The following SH3RF3 variants were observed in gnomAD, a reference collection of about 807,000 sequenced individuals.
SH3RF3 encodes E3 ubiquitin-protein ligase SH3RF3.
SH3RF3 carries 29 observed loss-of-function variants against 66.3 expected under a neutral mutation model. The ratio of observed to expected loss-of-function variants is 0.44; its 90% CI spans 0.33 to 0.60. SH3RF3 has a LOEUF of 0.60. Ranked by LOEUF, SH3RF3 falls within the 20% of genes least tolerant of loss-of-function variation. The pLI is 0.04. For missense variants in SH3RF3, 1,194 were observed against 1,190.9 expected, an observed-to-expected ratio of 1.00 and a Z score of -0.04; for synonymous variants, 583 against 532.0, an observed-to-expected ratio of 1.10 and a Z score of -1.32.
At chr2:109,223,362 C>T (rs1027986128) in intron 1 of SH3RF3, among the ~76,000 whole-genome samples, 20 of 152,146 alleles carry the variant, frequency 1.3e-4, no homozygotes, top group African/African-American at 4.1e-4. Context: ...TTCTGAAGCC[C>T]GAAGAAGCAG....
At chr2:109,210,248 T>A (rs1678941843) in intron 1 of SH3RF3, among the ~76,000 whole-genome samples, 1 of 152,268 alleles carries the variant, frequency 6.6e-6, no homozygotes. Flanking sequence ...CTGTTGGGAA[T>A]AATGTCACTA....
chr2:109,187,691 CA>C (rs1342983940), intron 1 of SH3RF3, among the ~76,000 whole-genome samples: 2 of 152,324 alleles, frequency 1.3e-5, no homozygotes, highest in Non-Finnish European at 2.9e-5. Flanking sequence ...TGATGTCACC[CA>C]AGGACTCATT....
chr2:109,151,093 G>A (rs1186225029), intron 1 of SH3RF3, among the ~76,000 whole-genome samples: 1 of 152,204 alleles, frequency 6.6e-6, no homozygotes. Context: ...CCACACCAAT[G>A]TATTTGCCCT....
intron 1 of SH3RF3, among the ~76,000 whole-genome samples, chr2:109,153,448 T>C (rs1310619830): frequency 6.6e-6 from 1 of 152,162 alleles, no homozygotes; most frequent in African/African-American, 2.4e-5. Context: ...GAGAAAGAAG[T>C]AACGAAGGTA....
At chr2:109,338,549 G>A (rs1574582246) in intron 1 of SH3RF3, among the ~76,000 whole-genome samples, 1 of 152,132 alleles carries the variant, frequency 6.6e-6, no homozygotes, top group South Asian at 2.1e-4. Flanking sequence ...TCAAAAACCT[G>A]TGTGTAACTT....
intron 1 of SH3RF3, chr2:109,313,611 C>A: frequency 6.4e-6 from 1 of 155,082 alleles, no homozygotes; most frequent in Middle Eastern, 5.2e-4. Flanking sequence ...GAGTAGGGGC[C>A]CCGGCCAGCA....
Position 109,347,661 on chromosome 2 carries a change from C to T in SH3RF3, c.574-13C>T. On this transcript the variant is annotated splice_polypyrimidine_tract_variant and intron_variant, in intron 1 of 9. Transcript: ENST00000309415. ...GGCATGCCCGGTGACCACATGCTGT[C>T]TGTTGCTTGCAGAATCCCTGCCTGC... 2.5e-6 allele frequency: 4 copies of T among 1,612,192 alleles called. No individual in the cohort carries two copies. The highest frequency in any genetic ancestry group is 3.4e-6 in the Non-Finnish European group (4 of 1,178,704).
intron 8 of SH3RF3, among the ~76,000 whole-genome samples, chr2:109,489,463 C>T (rs938058474): frequency 1.3e-5 from 2 of 152,324 alleles, no homozygotes; most frequent in South Asian, 2.1e-4. Context: ...CATCAGGAAC[C>T]GTGTCACCTG....
chr2:109,386,815 T>A (rs1675835756), intron 3 of SH3RF3, among the ~76,000 whole-genome samples: 1 of 152,176 alleles, frequency 6.6e-6, no homozygotes, highest in Non-Finnish European at 1.5e-5. Context: ...AAAAAATGAC[T>A]GCATTCTCAC....
chr2:109,365,805 G>A (rs1683142431), intron 2 of SH3RF3, among the ~76,000 whole-genome samples: 1 of 152,110 alleles, frequency 6.6e-6, no homozygotes, highest in Non-Finnish European at 1.5e-5. Context: ...CTGTACTTGT[G>A]AACTATGATC....
chr2:109,408,700 A>G (rs553704504), intron 4 of SH3RF3, among the ~76,000 whole-genome samples: 4 of 152,226 alleles, frequency 2.6e-5, no homozygotes, highest in Non-Finnish European at 4.4e-5. Context: ...GAGCTGAACA[A>G]AAGGATTTTT....
chr2:109,265,830 T>A (rs1680477455), intron 1 of SH3RF3, among the ~76,000 whole-genome samples: 1 of 152,042 alleles, frequency 6.6e-6, no homozygotes, highest in African/African-American at 2.4e-5. Context: ...TAATGAGAGG[T>A]CCTGGGTGGG....
intron 6 of SH3RF3, among the ~76,000 whole-genome samples, chr2:109,436,557 G>A (rs925645974): frequency 2.6e-5 from 4 of 152,258 alleles, no homozygotes; most frequent in Non-Finnish European, 4.4e-5. Context: ...TGAGTCATCT[G>A]TTCTTTCTGG....
chr2:109,135,582 G>A (rs1265383795), intron 1 of SH3RF3, among the ~76,000 whole-genome samples: 1 of 152,198 alleles, frequency 6.6e-6, no homozygotes, highest in African/African-American at 2.4e-5. Context: ...ACCTCAGAGT[G>A]CCTGCTTTGC....
At chr2:109,176,153 G>A (rs1255031731) in intron 1 of SH3RF3, among the ~76,000 whole-genome samples, 2 of 152,106 alleles carry the variant, frequency 1.3e-5, no homozygotes, top group East Asian at 3.9e-4. Context: ...GCTAAATCTT[G>A]AAAATTCAAA....
At chr2:109,275,018 C>T (rs1440367119) in intron 1 of SH3RF3, among the ~76,000 whole-genome samples, 9 of 152,184 alleles carry the variant, frequency 5.9e-5, no homozygotes, top group South Asian at 4.1e-4. Flanking sequence ...ACCATTTATA[C>T]TGTAATATTT....
chr2:109,237,350 A>G (rs1679673174), intron 1 of SH3RF3, among the ~76,000 whole-genome samples: 1 of 152,232 alleles, frequency 6.6e-6, no homozygotes, highest in South Asian at 2.1e-4. Context: ...CACATTGAAA[A>G]AAAATGTTGT....
intron 8 of SH3RF3, among the ~76,000 whole-genome samples, chr2:109,466,154 A>G (rs976855721): frequency 4.6e-5 from 6 of 130,276 alleles, no homozygotes; most frequent in Non-Finnish European, 7.6e-5. Flanking sequence ...ATCTCGGCTC[A>G]CTGCTGCAAC....
At chr2:109,150,604 T>A (rs1303069768) in intron 1 of SH3RF3, among the ~76,000 whole-genome samples, 2 of 152,114 alleles carry the variant, frequency 1.3e-5, no homozygotes, top group African/African-American at 4.8e-5. Flanking sequence ...CCAGAGAAGT[T>A]GAGTAGCTTG....
Sources: gnomAD v4.1 joint callset for allele counts (sites outside exome capture counted in the v4.1 genomes callset) on GRCh38, gnomAD v4.1.1 for gene constraint, MANE v1.5 for transcripts, NCBI Gene and HGNC (gene_info 2026-07-23, HGNC 2026-07-21) for gene names.